Variants in NDST3 observed in about 807,000 individuals in gnomAD.
NDST3 encodes bifunctional heparan sulfate N-deacetylase/N-sulfotransferase 3.
In NDST3, 58 loss-of-function variants were observed where a neutral mutation model predicts 96.1. The observed-to-expected ratio is 0.60, with a 90% confidence interval of 0.49 to 0.75. The LOEUF (loss-of-function observed/expected upper bound fraction) is 0.75, where lower values mean the gene tolerates loss of function less well. Ranked by LOEUF, NDST3 falls within the 30% of genes least tolerant of loss-of-function variation. NDST3 has a pLI of 0.00. For missense variants in NDST3, 788 were observed against 1,034.2 expected, an observed-to-expected ratio of 0.76 and a Z score of 3.27; for synonymous variants, 333 against 359.7, an observed-to-expected ratio of 0.93 and a Z score of 0.84.
intron 6 of NDST3, among the ~76,000 whole-genome samples, chr4:118,205,169 G>A (rs1738352817): frequency 7.0e-6 from 1 of 143,816 alleles, no homozygotes; most frequent in Non-Finnish European, 1.5e-5. Flanking sequence ...CCACTTTATA[G>A]TGACAGTAAA....
chr4:118,055,296 A>G (rs1053760227), intron 2 of NDST3: 2 of 231,684 alleles, frequency 8.6e-6, no homozygotes, highest in East Asian at 2.4e-4. Flanking sequence ...TTCAAGAATT[A>G]CAGATCTCAT....
At chr4:118,061,767 G>C (rs1441540146) in intron 2 of NDST3, among the ~76,000 whole-genome samples, 2 of 152,106 alleles carry the variant, frequency 1.3e-5, no homozygotes, top group Admixed American at 6.6e-5. Flanking sequence ...CATTCTTTCT[G>C]AAGTATATCC....
chr4:118,132,212 GT>G (rs1452857303), intron 4 of NDST3, among the ~76,000 whole-genome samples: 5 of 152,152 alleles, frequency 3.3e-5, no homozygotes, highest in Non-Finnish European at 7.4e-5. Flanking sequence ...AAGGATTAGA[GT>G]GAAAAACATT....
intron 2 of NDST3, among the ~76,000 whole-genome samples, chr4:118,076,842 T>G (rs1041900349): frequency 5.3e-5 from 8 of 152,216 alleles, no homozygotes; most frequent in Non-Finnish European, 1.2e-4. Flanking sequence ...GAAAACTACT[T>G]CAGTCGTTTT....
chr4:118,227,237 TTC>T (rs1491396555), intron 8 of NDST3, among the ~76,000 whole-genome samples: 5 of 89,928 alleles, frequency 5.6e-5, no homozygotes, highest in African/African-American at 1.5e-4. Context: ...GTTTTTTTTT[TTC>T]CCCCCCAAAT....
intron 12 of NDST3, among the ~76,000 whole-genome samples, chr4:118,252,750 G>A (rs745944176): frequency 5.3e-5 from 8 of 152,110 alleles, no homozygotes; most frequent in South Asian, 2.1e-4. Context: ...AATTAGCTGC[G>A]CATGATGGCA....
intron 5 of NDST3, among the ~76,000 whole-genome samples, chr4:118,140,630 T>C (rs1733497841): frequency 6.6e-6 from 1 of 152,172 alleles, no homozygotes; most frequent in Non-Finnish European, 1.5e-5. Flanking sequence ...GGACTCATAG[T>C]TCAGCATGGC....
chr4:118,034,020 C>T (rs1028499540), upstream of NDST3: 1 of 152,204 alleles, frequency 6.6e-6, no homozygotes, highest in African/African-American at 2.4e-5. Context: ...TTTCTCGCGG[C>T]TTGGAATGAG....
chr4:118,137,886 CT>C (rs1256347261), intron 4 of NDST3, among the ~76,000 whole-genome samples, 167 bp from the exon 5 acceptor site: 1 of 152,146 alleles, frequency 6.6e-6, no homozygotes, highest in Non-Finnish European at 1.5e-5. Flanking sequence ...GGCTAACAGG[CT>C]TCATGACGTC....
At chr4:118,175,096 AC>A (rs1212956334) in intron 6 of NDST3, among the ~76,000 whole-genome samples, 1 of 151,944 alleles carries the variant, frequency 6.6e-6, no homozygotes, top group Admixed American at 6.6e-5. Flanking sequence ...CTTGACTATA[AC>A]CCTCTGGTGT....
intron 6 of NDST3, among the ~76,000 whole-genome samples, chr4:118,170,245 T>C (rs759315628): frequency 2.8e-4 from 42 of 152,216 alleles, no homozygotes; most frequent in Non-Finnish European, 2.5e-4. Context: ...GAAATTTAAA[T>C]CTGGACTGTA....
chr4:118,147,260 G>A (rs1734014342), intron 6 of NDST3, among the ~76,000 whole-genome samples: 1 of 152,156 alleles, frequency 6.6e-6, no homozygotes, highest in South Asian at 2.1e-4. Context: ...TTTGGAGCCT[G>A]TCGGTCAGAA....
chr4:118,215,862 G>T (rs577958979), intron 6 of NDST3, among the ~76,000 whole-genome samples: 6 of 152,154 alleles, frequency 3.9e-5, no homozygotes, highest in African/African-American at 1.4e-4. Flanking sequence ...GTTAATTAGG[G>T]GATGATTAGG....
At chr4:118,160,584 C>G (rs775133523) in intron 6 of NDST3, among the ~76,000 whole-genome samples, 11 of 152,132 alleles carry the variant, frequency 7.2e-5, no homozygotes, top group Non-Finnish European at 1.5e-4. Flanking sequence ...TATCACTGAT[C>G]ATTAGAAAAA....
intron 1 of NDST3, among the ~76,000 whole-genome samples, chr4:118,050,079 A>G (rs1724994220): frequency 6.6e-6 from 1 of 152,222 alleles, no homozygotes; most frequent in South Asian, 2.1e-4. Context: ...CTATTTCAAC[A>G]TATGCAAATC....
At chr4:118,170,097 A>G (rs922784328) in intron 6 of NDST3, among the ~76,000 whole-genome samples, 6 of 152,202 alleles carry the variant, frequency 3.9e-5, no homozygotes, top group African/African-American at 1.4e-4. Flanking sequence ...CTGTCACAAA[A>G]GCCTGCCCAC....
chr4:118,040,577 T>C (rs1179368185), intron 1 of NDST3, among the ~76,000 whole-genome samples: 4 of 152,164 alleles, frequency 2.6e-5, no homozygotes, highest in African/African-American at 9.7e-5. Context: ...TCATTGGTCA[T>C]CTTCAGGATA....
chr4:118,064,274 C>T (rs1315560409), intron 2 of NDST3, among the ~76,000 whole-genome samples: 1 of 151,960 alleles, frequency 6.6e-6, no homozygotes, highest in Non-Finnish European at 1.5e-5. Flanking sequence ...TTAAAGCACA[C>T]AAACAAAATA....
chr4:118,037,992 A>C (rs1426089506), intron 1 of NDST3, among the ~76,000 whole-genome samples: 1 of 152,062 alleles, frequency 6.6e-6, no homozygotes, highest in African/African-American at 2.4e-5. Context: ...TATCTGGTTC[A>C]TGTAACCTGC....
Sources: allele counts gnomAD v4.1 joint callset (sites outside exome capture counted in the v4.1 genomes callset), GRCh38; gene constraint gnomAD v4.1.1; transcripts MANE v1.5; gene names NCBI Gene and HGNC (gene_info 2026-07-23, HGNC 2026-07-21).